Variants in SSX3 observed in about 807,000 individuals in gnomAD.
The protein encoded by SSX3 is SSX family member 3.
A neutral mutation model predicts 14.8 loss-of-function variants in SSX3; 6 were observed. The observed-to-expected ratio is 0.41, with a 90% CI of 0.22 to 0.80. The LOEUF is 0.80. Ranked by LOEUF, SSX3 falls within the 30% of genes least tolerant of loss-of-function variation. SSX3 has a pLI of 0.34. For synonymous variants in SSX3, 55 were observed against 52.9 expected (o/e 1.04, Z -0.18); for missense variants, 163 against 152.2 (o/e 1.07, Z -0.37).
intron 4 of SSX3, among the ~76,000 whole-genome samples, chrX:48,352,856 A>G (rs2061269024): frequency 2.7e-5 from 3 of 111,807 alleles, no homozygotes. Flanking sequence ...TTTTCATCCT[A>G]TGTTATCTCT....
rs782239973 is a variant in SSX3, at chrX:48,346,862, G to A, written c.*178C>T. On this transcript the variant is annotated 3_prime_UTR_variant, in exon 8 of 8. Coordinates refer to ENST00000298396, the MANE Select transcript of SSX3 (RefSeq NM_021014.4). ...CACTTCAAGAAAATACAATGGAAAC[G>A]CTAATATCGTACTCTTGGCACACTA... The A allele has an allele frequency of 1.3e-5, 10 of 794,622 alleles. No individual in the cohort carries two copies. Among genetic ancestry groups the A allele is most frequent in the African/African-American group, 2.0e-5 (1 of 49,149 alleles). The allele number at this position is 794,622 out of a possible 1,213,427, so 65.5% of individuals were successfully genotyped here.
At chrX:48,350,778 T>C (rs1448841344) in intron 5 of SSX3, among the ~76,000 whole-genome samples, 2 of 106,673 alleles carry the variant, frequency 1.9e-5, no homozygotes, top group African/African-American at 3.4e-5. Context: ...TTTCTTTTTT[T>C]TTTTTTTTTT....
chrX:48,355,430 C>T (rs1423361546), intron 1 of SSX3, among the ~76,000 whole-genome samples, 161 bp from the exon 2 acceptor site: 6 of 110,945 alleles, frequency 5.4e-5, no homozygotes, highest in Non-Finnish European at 7.6e-5. Flanking sequence ...AGAAATCAGA[C>T]GAAAACCAGG....
chrX:48,354,853 T>C, intron 2 of SSX3, 107 bp from the exon 3 acceptor site: 1 of 1,188,083 alleles, frequency 8.4e-7, no homozygotes. Flanking sequence ...GGGATAATCC[T>C]TCCTGGTTGA....
chrX:48,356,016 A>C (rs2146670838), intron 1 of SSX3, among the ~76,000 whole-genome samples: 1 of 111,196 alleles, frequency 9.0e-6, no homozygotes, highest in African/African-American at 3.3e-5. Flanking sequence ...CGTCTACAAA[A>C]TAAACAAAAA....
intron 4 of SSX3, among the ~76,000 whole-genome samples, chrX:48,352,398 C>T (rs1217732109): frequency 2.7e-5 from 3 of 112,210 alleles, no homozygotes; most frequent in African/African-American, 9.7e-5. Context: ...TCATCTTATT[C>T]GATTACATAT....
chrX:48,356,256 A>AT (rs1180559083), intron 1 of SSX3, among the ~76,000 whole-genome samples: 55 of 108,965 alleles, frequency 5.0e-4, no homozygotes, highest in East Asian at 2.9e-3. Context: ...GATTTGAGTG[A>AT]TTTTTTTTTT....
chrX:48,354,826 G>A, intron 2 of SSX3, 80 bp from the exon 3 acceptor site: 1 of 1,198,740 alleles, frequency 8.3e-7, no homozygotes, highest in East Asian at 3.0e-5. Flanking sequence ...CTTCCTGTGT[G>A]CTGGATCTGG....
Position 48,346,581 on chromosome X carries a change from GTGTGTCTGT to G in SSX3, c.*450_*458del. ...GGAGATGCTTATACTGGTACTTGGT[GTGTGTCTGT>G]GTGTGTGTGTGTGTGTGTGTGGTGT... is the stretch of plus-strand genomic sequence containing the variant. On this transcript the variant is annotated 3_prime_UTR_variant, in exon 8 of 8. Transcript: ENST00000298396. The G allele has an allele frequency of 1.0e-5, 1 of 100,389 alleles. No individual in the cohort carries two copies. Among genetic ancestry groups the G allele is most frequent in the Non-Finnish European group, 1.7e-5 (1 of 59,541 alleles). The allele number at this position is 100,389 out of a possible 1,213,427, so 8.3% of individuals were successfully genotyped here.
At chrX:48,348,253 G>C (rs1283928720) in intron 6 of SSX3, 1 of 463,160 alleles carries the variant, frequency 2.2e-6, no homozygotes. Context: ...ATCCATTTAT[G>C]CTCTTTTAGT....
In SSX3 at chrX:48,352,144, G is replaced by T; in HGVS notation, c.286C>A (p.Arg96Ser). 8.3e-7 allele frequency: 1 copy of T among 1,208,827 alleles called. No homozygotes were observed. Among genetic ancestry groups the T allele is most frequent in the South Asian group, 1.8e-5 (1 of 56,938 alleles). ...AGCCTGCCGAAAGTCATCTGAGGAC[G>T]TTGAACTGAAAGAGAATACATCAGA... ...NDPNRGNQVQ[R>S]PQMTFGRLQG... The change falls in exon 5 of 8, where the codon CGT (arginine) becomes AGT (serine). Residue 96 changes from arginine (R) to serine (S), a missense_variant. Physicochemically the swap from Arg to Ser is moderately radical, Grantham distance 110. Transcript: ENST00000298396.
At chrX:48,354,518 T>C in intron 3 of SSX3, 114 bp downstream of exon 3, 3 of 894,461 alleles carry the variant, frequency 3.4e-6, no homozygotes, top group Non-Finnish European at 4.7e-6. Flanking sequence ...TTGCGATTTT[T>C]CCCTACACAA....
intron 5 of SSX3, among the ~76,000 whole-genome samples, chrX:48,350,492 T>C (rs1234900695): frequency 9.0e-6 from 1 of 111,566 alleles, no homozygotes; most frequent in African/African-American, 3.3e-5. Flanking sequence ...GGATCCCATA[T>C]AAGCTTGTAG....
intron 5 of SSX3, among the ~76,000 whole-genome samples, chrX:48,350,960 G>A (rs145965394): frequency 0.019 from 2,072 of 109,086 alleles, 21 homozygotes; most frequent in Non-Finnish European, 0.027. Flanking sequence ...TAGTAGAGAC[G>A]AGGTTTCACC....
At chrX:48,352,066 G>A in intron 5 of SSX3, 34 bp downstream of exon 5, 1 of 1,200,816 alleles carries the variant, frequency 8.3e-7, no homozygotes, top group Non-Finnish European at 1.1e-6. Flanking sequence ...AGGGACAAAG[G>A]TTCTCTGGTC....
chrX:48,350,431 TTCTAAGAATTCACAAGG>T (rs2146663868), intron 5 of SSX3, among the ~76,000 whole-genome samples: 1 of 111,487 alleles, frequency 9.0e-6, no homozygotes, highest in African/African-American at 3.3e-5. Flanking sequence ...AAGAGTAGCA[TTCTAAGAATTCACAAGG>T]TCTACAAAGG....
chrX:48,349,795 G>A (rs782065560), intron 6 of SSX3, 192 bp downstream of exon 6: 6 of 1,122,841 alleles, frequency 5.3e-6, no homozygotes, highest in Non-Finnish European at 7.0e-6. Context: ...AAGTCACGTG[G>A]TTTTTTTTTA....
chrX:48,352,920 C>CA (rs1256224229), intron 4 of SSX3, among the ~76,000 whole-genome samples: 2 of 111,864 alleles, frequency 1.8e-5, no homozygotes, highest in African/African-American at 6.5e-5. Flanking sequence ...ATCACTCTTT[C>CA]AAACTCTCTT....
At chrX:48,355,539 G>A (rs1292071020) in intron 1 of SSX3, among the ~76,000 whole-genome samples, 16 of 111,030 alleles carry the variant, frequency 1.4e-4, no homozygotes, top group African/African-American at 4.9e-4. Context: ...AATGTTGTTA[G>A]TAATTTCCCT....
Sources: allele counts gnomAD v4.1 joint callset (sites outside exome capture counted in the v4.1 genomes callset), GRCh38; gene constraint gnomAD v4.1.1; transcripts MANE v1.5; gene names NCBI Gene and HGNC (gene_info 2026-07-23, HGNC 2026-07-21).